PHACTR1: variants seen among roughly 807,000 people sequenced by gnomAD.
The protein encoded by PHACTR1 is phosphatase and actin regulator 1, also known as RPEL repeat containing 1.
A neutral mutation model predicts 69.2 loss-of-function variants in PHACTR1; 16 were observed. The ratio of observed to expected loss-of-function variants is 0.23; its 90% CI spans 0.16 to 0.35. The LOEUF (loss-of-function observed/expected upper bound fraction) is 0.35, where lower values mean the gene tolerates loss of function less well. PHACTR1 is among the 10% of genes least tolerant of loss of function. The probability of loss-of-function intolerance (pLI) is 1.00; values close to 1 mark genes in which losing one functional copy is unlikely to be tolerated. For synonymous variants in PHACTR1, 312 were observed against 284.5 expected (o/e 1.10, Z -0.97); for missense variants, 510 against 734.7 (o/e 0.69, Z 3.54).
chr6:12,855,938 A>G (rs942997259), intron 4 of PHACTR1, among the ~76,000 whole-genome samples: 5 of 152,264 alleles, frequency 3.3e-5, no homozygotes, highest in African/African-American at 1.2e-4. Flanking sequence ...CTTAGAGTGA[A>G]TCCTGGTTCT....
Position 13,257,398 on chromosome 6 carries a change from A to G in PHACTR1, c.1392-15462A>G, listed in dbSNP as rs116254642. Among the ~76,000 whole-genome samples, 174 of 152,292 alleles carry G rather than the reference A, an allele frequency of 1.1e-3. 1 individual carries two copies. Among genetic ancestry groups the G allele is most frequent in the Admixed American group, 2.2e-3 (33 of 15,300 alleles). On this transcript the variant is annotated intron_variant, in intron 10 of 14. Transcript: ENST00000332995. Reference sequence around the variant, plus strand: ...TGGGGACACAGATCCAAACCATATCAATCCCTAACTTCATAGAGTTTTATT... The same window carrying G: ...TGGGGACACAGATCCAAACCATATCGATCCCTAACTTCATAGAGTTTTATT...
At chr6:13,182,759 G>C in intron 7 of PHACTR1, 73 bp downstream of exon 7, 7 of 1,416,266 alleles carry the variant, frequency 4.9e-6, no homozygotes, top group Non-Finnish European at 5.6e-6. Context: ...TCTTTGGCCT[G>C]GCTGGACTTG....
chr6:13,059,458 TCACACACACA>T (rs57652223), intron 5 of PHACTR1, among the ~76,000 whole-genome samples: 25,058 of 148,172 alleles, frequency 0.17, 2,566 homozygotes, highest in South Asian at 0.24. Flanking sequence ...AATGTTCTTA[TCACACACACA>T]CACACACACA....
At position 13,087,857 on chromosome 6, in the gene PHACTR1, G is replaced by A. The variant is rs1215591836; in HGVS notation, c.415+34328G>A. On this transcript the variant is annotated intron_variant, in intron 5 of 14. Coordinates refer to ENST00000332995, the MANE Select transcript of PHACTR1 (RefSeq NM_030948.6). ...AGATGGGATTTCACCGTGCTGCCCG[G>A]GCTAATCTCGAAGTCCTGGGCTCAA... Among the ~76,000 whole-genome samples the A allele has an allele frequency of 2.0e-5, 3 of 151,822 alleles. No individual in the cohort carries two copies. The East Asian group carries it at 5.8e-4, about 29-fold the overall frequency.
chr6:13,256,116 T>C (rs1486578459), intron 10 of PHACTR1, among the ~76,000 whole-genome samples: 1 of 152,234 alleles, frequency 6.6e-6, no homozygotes, highest in Non-Finnish European at 1.5e-5. Flanking sequence ...ACCCACAGCC[T>C]TACTACAATA....
chr6:12,997,554 A>G (rs1350916945), intron 4 of PHACTR1, among the ~76,000 whole-genome samples: 2 of 152,098 alleles, frequency 1.3e-5, no homozygotes, highest in Non-Finnish European at 2.9e-5. Context: ...ACATTTATAC[A>G]TTGCGTGATG....
At position 13,206,736 on chromosome 6, in the gene PHACTR1, TCCCCTCACA is replaced by T. The variant is rs1213846649; in HGVS notation, c.986+601_986+609del. Among the ~76,000 whole-genome samples, 3 of 152,042 alleles carry T rather than the reference TCCCCTCACA, an allele frequency of 2.0e-5. No individual in the cohort carries two copies. The East Asian group carries it at 5.8e-4, about 29-fold the overall frequency. On this transcript the variant is annotated intron_variant, in intron 8 of 14. Transcript: ENST00000332995. Reference sequence around the variant, plus strand: ...AAGATCTGGCCCTGGTCAGACATCATCCCCTCACAGGGCACACTTACACCCACACCCACA... The same window carrying T: ...AAGATCTGGCCCTGGTCAGACATCATGGGCACACTTACACCCACACCCACA...
chr6:13,029,346 G>T (rs575229040), intron 4 of PHACTR1, among the ~76,000 whole-genome samples: 1 of 152,332 alleles, frequency 6.6e-6, no homozygotes, highest in South Asian at 2.1e-4. Context: ...TTGGTGAAAA[G>T]GGCATATTGG....
intron 4 of PHACTR1, among the ~76,000 whole-genome samples, chr6:12,767,574 T>G: frequency 6.6e-6 from 1 of 152,208 alleles, no homozygotes; most frequent in East Asian, 1.9e-4. Flanking sequence ...CTTTACACTT[T>G]CGTTTTTTAA....
intron 4 of PHACTR1, among the ~76,000 whole-genome samples, chr6:13,021,721 T>C: frequency 6.6e-6 from 1 of 152,256 alleles, no homozygotes; most frequent in East Asian, 1.9e-4. Context: ...ATAGCCACCC[T>C]GCAGGACTTT....
chr6:12,966,513 A>G (rs1793525747), intron 4 of PHACTR1, among the ~76,000 whole-genome samples: 1 of 152,182 alleles, frequency 6.6e-6, no homozygotes, highest in Admixed American at 6.5e-5. Flanking sequence ...GAGAAGCACT[A>G]ATGTTAATGA....
intron 6 of PHACTR1, among the ~76,000 whole-genome samples, chr6:13,161,300 G>T (rs1758968665): frequency 6.6e-6 from 1 of 152,076 alleles, no homozygotes; most frequent in South Asian, 2.1e-4. Flanking sequence ...AATTGAACTT[G>T]CATGCGTGCA....
intron 4 of PHACTR1, among the ~76,000 whole-genome samples, chr6:13,046,609 T>C (rs1805095869): frequency 6.6e-6 from 1 of 152,048 alleles, no homozygotes; most frequent in Non-Finnish European, 1.5e-5. Flanking sequence ...TGTTGATTTA[T>C]CTCCCAGCTC....
At chr6:12,829,594 C>T (rs1777187477) in intron 4 of PHACTR1, among the ~76,000 whole-genome samples, 1 of 152,064 alleles carries the variant, frequency 6.6e-6, no homozygotes, top group Admixed American at 6.6e-5. Flanking sequence ...TTTAAAATAG[C>T]CCAGAAGAGA....
chr6:12,936,013 G>T (rs936349060), intron 4 of PHACTR1, among the ~76,000 whole-genome samples: 5 of 150,974 alleles, frequency 3.3e-5, no homozygotes, highest in Non-Finnish European at 5.9e-5. Context: ...TTTTGATCAA[G>T]GCTACTGCCT....
chr6:12,921,012 A>C (rs1787590686), intron 4 of PHACTR1, among the ~76,000 whole-genome samples: 1 of 152,228 alleles, frequency 6.6e-6, no homozygotes, highest in South Asian at 2.1e-4. Context: ...AAGTTTAGAC[A>C]AATTAAGGCA....
Position 13,284,549 on chromosome 6 carries a change from T to A in PHACTR1, c.1650+987T>A, listed in dbSNP as rs1180632421. Among the ~76,000 whole-genome samples the A allele has an allele frequency of 3.4e-3, 289 of 84,764 alleles. 3 individuals are homozygous for A. Among genetic ancestry groups the A allele is most frequent in the East Asian group, 0.015 (39 of 2,654 alleles). The allele number at this position is 84,764 out of a possible 152,430, so 55.6% of individuals were successfully genotyped here. On this transcript the variant is annotated intron_variant, in intron 13 of 14. Transcript: ENST00000332995. Reference sequence around the variant, plus strand: ...AAAAAAAAAAAAAAAAAAAAATATATATATATATATATATATATATAGATA... The same window carrying A: ...AAAAAAAAAAAAAAAAAAAAATATAAATATATATATATATATATATAGATA...
chr6:13,059,699 C>T lies in PHACTR1; in HGVS notation c.415+6170C>T, dbSNP rs4466249. 2.3e-4 allele frequency among the ~76,000 whole-genome samples: 35 copies of T among 151,880 alleles called. No individual in the cohort carries two copies. In the East Asian group the frequency reaches 4.4e-3, roughly 19 times the overall value. The stretch of plus-strand genomic sequence containing the variant: ...GGTTTTAAAGTGTAAAGTTTGACAC[C>T]CTAATGTTGGTTTATGGTGGTGGCT... On this transcript the variant is annotated intron_variant, in intron 5 of 14. Transcript: ENST00000332995.
intron 8 of PHACTR1, among the ~76,000 whole-genome samples, chr6:13,206,759 C>A (rs946952218): frequency 6.6e-6 from 1 of 152,276 alleles, no homozygotes; most frequent in East Asian, 1.9e-4. Flanking sequence ...CACACTTACA[C>A]CCACACCCAC....
Sources: allele counts gnomAD v4.1 joint callset (sites outside exome capture counted in the v4.1 genomes callset), GRCh38; gene constraint gnomAD v4.1.1; transcripts MANE v1.5; gene names NCBI Gene and HGNC (gene_info 2026-07-23, HGNC 2026-07-21).